The following KIF1C variants were observed in gnomAD, a reference collection of about 807,000 sequenced individuals.
KIF1C encodes kinesin-like protein KIF1C.
KIF1C carries 61 observed loss-of-function variants against 126.5 expected under a neutral mutation model. The observed-to-expected ratio is 0.48, with a 90% confidence interval of 0.39 to 0.60. KIF1C has a LOEUF of 0.60. Ranked by LOEUF, KIF1C falls within the 20% of genes least tolerant of loss-of-function variation. The pLI, the probability that KIF1C is intolerant of heterozygous loss-of-function variation, is 0.00. For synonymous variants in KIF1C, 640 were observed against 580.6 expected (o/e 1.10, Z -1.47); for missense variants, 1,315 against 1,489.2 (o/e 0.88, Z 1.93).
intron 21 of KIF1C, among the ~76,000 whole-genome samples, chr17:5,021,297 C>A (rs980303743): frequency 4.0e-5 from 6 of 151,456 alleles, no homozygotes; most frequent in African/African-American, 1.5e-4. Context: ...CTCAGCCTCC[C>A]CAGTAGCTGG....
At chr17:5,009,062 C>T (rs370315495) in intron 16 of KIF1C, among the ~76,000 whole-genome samples, 1 of 150,852 alleles carries the variant, frequency 6.6e-6, no homozygotes, top group Admixed American at 6.6e-5. Context: ...TCTAATAGTT[C>T]TAAAAGGTGT....
At position 5,028,061 on chromosome 17, in the gene KIF1C, G is replaced by A. The variant is rs1049569715; in HGVS notation, c.*3910G>A. ...CTTCCCAGGCATTTCATGAACTTGC[G>A]TCTAGTTTCTGTTCCCTCTCAAATT... On this transcript the variant is annotated 3_prime_UTR_variant, in exon 23 of 23. Transcript: ENST00000320785. 2 of 152,092 alleles carry A rather than the reference G, an allele frequency of 1.3e-5. No individual in the cohort carries two copies. Among genetic ancestry groups the A allele is most frequent in the African/African-American group, 2.4e-5 (1 of 41,388 alleles). The allele number at this position is 152,092 out of a possible 1,614,324, so 9.4% of individuals were successfully genotyped here.
chr17:5,006,431 G>A (rs1011415411), intron 13 of KIF1C, among the ~76,000 whole-genome samples: 2 of 151,716 alleles, frequency 1.3e-5, no homozygotes, highest in East Asian at 2.0e-4. Context: ...CTACCTCCTG[G>A]GTTCAAGTGA....
chr17:5,005,579 G>A (rs970930268), intron 13 of KIF1C, among the ~76,000 whole-genome samples: 11 of 152,170 alleles, frequency 7.2e-5, no homozygotes, highest in Non-Finnish European at 1.2e-4. Flanking sequence ...GAAAGAGAAG[G>A]ATAAGGTAGC....
At chr17:5,001,149 TC>T in intron 4 of KIF1C, 72 bp from the exon 5 acceptor site, 1 of 1,486,762 alleles carries the variant, frequency 6.7e-7, no homozygotes. Flanking sequence ...GAAGCAAGAC[TC>T]TTGGGACAGA....
Position 5,020,695 on chromosome 17 carries a change from C to T in KIF1C, c.1937+17C>T. ...GGAGAAGAGGTGCGAGGGGGTTACC[C>T]ACGTGCCCCATGGCCGTCTAGGCCG... is the stretch of plus-strand genomic sequence containing the variant. On this transcript the variant is annotated intron_variant, in intron 20 of 22. Transcript: ENST00000320785. This position sits in a 1 kb window ranked among gnomAD's most constrained non-coding sequence, Gnocchi z 5.8. 2 of 1,612,028 alleles carry T rather than the reference C, an allele frequency of 1.2e-6. No individual in the cohort carries two copies. The highest frequency in any genetic ancestry group is 8.5e-7 in the Non-Finnish European group (1 of 1,178,434).
Position 5,003,856 on chromosome 17 carries a change from A to G in KIF1C, c.804A>G (p.Gly268=). The G allele has an allele frequency of 1.9e-6, 3 of 1,613,658 alleles. No homozygotes were observed. The highest frequency in any genetic ancestry group is 2.5e-6 in the Non-Finnish European group (3 of 1,179,580). The part of the protein sequence containing the change: ...SGARGMRLKE[G]ANINKSLTTL... ...CATTCCTCATCCTTTTCCAGGAAGGAGCCAACATCAATAAGTCCCTGACTA... is the reference window on the plus strand; with the variant it reads ...CATTCCTCATCCTTTTCCAGGAAGGGGCCAACATCAATAAGTCCCTGACTA... Residue 268 remains glycine, a synonymous_variant, in exon 10 of 23, where the codon GGA becomes GGG. Coordinates refer to ENST00000320785, the MANE Select transcript of KIF1C (RefSeq NM_006612.6).
rs1001750145 is a variant in KIF1C, at chr17:5,026,798, T to C, written c.*2647T>C. 13 of 146,894 alleles carry C rather than the reference T, an allele frequency of 8.8e-5. No individual in the cohort carries two copies. The highest frequency in any genetic ancestry group is 5.5e-4 in the Admixed American group (8 of 14,648). The allele number at this position is 146,894 out of a possible 1,614,324, so 9.1% of individuals were successfully genotyped here. A position where few individuals can be genotyped will look rare whatever the true frequency, so the allele number is the denominator to read the frequency against. On this transcript the variant is annotated 3_prime_UTR_variant, in exon 23 of 23. Coordinates refer to ENST00000320785, the MANE Select transcript of KIF1C (RefSeq NM_006612.6). ...AGCCTTCCAAGTCAGTCTTTAATAATGTGCACGGGCCAGGCACAGTGGCTC... is the reference window on the plus strand; with the variant it reads ...AGCCTTCCAAGTCAGTCTTTAATAACGTGCACGGGCCAGGCACAGTGGCTC...
chr17:5,014,613 GA>G (rs1974933400), intron 17 of KIF1C, 129 bp from the exon 18 acceptor site: 4 of 707,756 alleles, frequency 5.7e-6, no homozygotes, highest in East Asian at 2.7e-5. Flanking sequence ...TCACCTCCCT[GA>G]GCCTCTGCTT....
chr17:5,010,502 A>G (rs1597852877), intron 16 of KIF1C, among the ~76,000 whole-genome samples: 1 of 152,004 alleles, frequency 6.6e-6, no homozygotes, highest in African/African-American at 2.4e-5. Context: ...TAATCCCAGC[A>G]CTTTGGGAGG....
At chr17:5,016,903 CAAAAA>C (rs550926473) in intron 18 of KIF1C, among the ~76,000 whole-genome samples, 1 of 84,952 alleles carries the variant, frequency 1.2e-5, no homozygotes, top group Non-Finnish European at 2.5e-5. Context: ...GAGACTGTTT[CAAAAA>C]AAAAAAAAAA....
chr17:5,014,459 C>G (rs1433537564), intron 17 of KIF1C, among the ~76,000 whole-genome samples: 1 of 152,136 alleles, frequency 6.6e-6, no homozygotes, highest in East Asian at 1.9e-4. Context: ...CTCCACAGCC[C>G]TGCATGCTCT....
rs978815229 is a variant in KIF1C, at chr17:5,026,921, C to A, written c.*2770C>A. The A allele has an allele frequency of 6.6e-6, 1 of 151,982 alleles. No homozygotes were observed. Among genetic ancestry groups the A allele is most frequent in the South Asian group, 2.1e-4 (1 of 4,822 alleles). 9.4% of individuals were successfully genotyped at this position (151,982 alleles called of 1,614,324 possible). On this transcript the variant is annotated 3_prime_UTR_variant, in exon 23 of 23. Coordinates refer to ENST00000320785, the MANE Select transcript of KIF1C (RefSeq NM_006612.6). Reference sequence around the variant, plus strand: ...TGGGCAACATAGTGAGACTGCCCCCCCCATCTCTACAAAAAATAAAAATCA... The same window carrying A: ...TGGGCAACATAGTGAGACTGCCCCCACCATCTCTACAAAAAATAAAAATCA...
chr17:5,003,951 A>C, intron 10 of KIF1C, 35 bp downstream of exon 10: 1 of 1,611,134 alleles, frequency 6.2e-7, no homozygotes, highest in Non-Finnish European at 8.5e-7. Flanking sequence ...GGGGCTTGGG[A>C]AAGGGGAGTG....
chr17:5,007,472 C>T lies in KIF1C; in HGVS notation c.1421C>T (p.Ala474Val). 2 of 1,589,198 alleles carry T rather than the reference C, an allele frequency of 1.3e-6. No individual in the cohort carries two copies. Among genetic ancestry groups the T allele is most frequent in the South Asian group, 1.1e-5 (1 of 88,276 alleles). ...KTEALRMEREALLAEMGVAVR... is the reference protein window; with the variant it reads ...KTEALRMEREVLLAEMGVAVR... ...TGCCTCTCCTCTGCCCACAGAGAAG[C>T]ATTGCTGGCTGAGATGGGGGTGGCC... The change falls in exon 16 of 23, where the codon GCA (alanine) becomes GTA (valine). Residue 474 changes from alanine to valine, a missense_variant. By Grantham distance (64) the Ala-to-Val change is moderately conservative. Around this residue, in one of 2 missense-constraint regions of KIF1C, gnomAD observed 874 missense variants for 1,053.2 expected, o/e 0.83. Transcript: ENST00000320785.
chr17:5,007,035 C>G lies in KIF1C; in HGVS notation c.1286C>G (p.Pro429Arg), dbSNP rs905730505. The change falls in exon 14 of 23, where the codon CCC (proline) becomes CGC (arginine). Residue 429 changes from proline (P) to arginine (R), a missense_variant. By Grantham distance (103) the Pro-to-Arg change is moderately radical (BLOSUM62 -2). This residue lies in a region of KIF1C where 874 missense variants were observed against 1,053.2 expected (regional missense o/e 0.83). Coordinates refer to ENST00000320785, the MANE Select transcript of KIF1C (RefSeq NM_006612.6). ...HNGELEPSFSPNTESQIGPEE... is the reference protein window; with the variant it reads ...HNGELEPSFSRNTESQIGPEE... Reference sequence around the variant, plus strand: ...GGGGAGCTGGAGCCGTCATTCTCCCCCAACACGGAGTCCCAGATTGGGCCT... The same window carrying G: ...GGGGAGCTGGAGCCGTCATTCTCCCGCAACACGGAGTCCCAGATTGGGCCT... The G allele has an allele frequency of 4.5e-5, 73 of 1,607,574 alleles. 1 individual carries two copies. The highest frequency in any genetic ancestry group is 6.0e-5 in the Non-Finnish European group (71 of 1,178,256).
intron 16 of KIF1C, chr17:5,011,754 G>A (rs1421939183): frequency 6.6e-6 from 1 of 152,202 alleles, no homozygotes; most frequent in African/African-American, 2.4e-5. Flanking sequence ...TTTGGGCTCT[G>A]AGTGTTAAGT....
At chr17:5,011,348 G>A (rs1974861959) in intron 16 of KIF1C, among the ~76,000 whole-genome samples, 1 of 152,194 alleles carries the variant, frequency 6.6e-6, no homozygotes, top group Non-Finnish European at 1.5e-5. Context: ...TAAATCAGTG[G>A]TGTTCAAACC....
Position 5,027,916 on chromosome 17 carries a change from G to A in KIF1C, c.*3765G>A, listed in dbSNP as rs1483637198. ...GAGCCTGGGAGGTCAAGGCTGCGGT[G>A]ACCTGTGATTGCACCACCAGGAGAC... On this transcript the variant is annotated 3_prime_UTR_variant, in exon 23 of 23. Transcript: ENST00000320785. 1.3e-5 allele frequency: 2 copies of A among 152,126 alleles called. No individual in the cohort carries two copies. Among genetic ancestry groups the A allele is most frequent in the African/African-American group, 4.8e-5 (2 of 41,426 alleles). The allele number at this position is 152,126 out of a possible 1,614,324, so 9.4% of individuals were successfully genotyped here.
Sources: allele counts gnomAD v4.1 joint callset (sites outside exome capture counted in the v4.1 genomes callset), GRCh38; gene constraint gnomAD v4.1.1; regional missense constraint gnomAD v4.1.1; non-coding constraint Gnocchi (gnomAD v3.1); transcripts MANE v1.5; gene names NCBI Gene and HGNC (gene_info 2026-07-23, HGNC 2026-07-21).